MAST4: variants seen among roughly 807,000 people sequenced by gnomAD.
The protein encoded by MAST4 is microtubule-associated serine/threonine-protein kinase 4.
A neutral mutation model predicts 162.7 loss-of-function variants in MAST4; 89 were observed. The ratio of observed to expected loss-of-function variants is 0.55; its 90% CI spans 0.46 to 0.65. The LOEUF is 0.65. Among genes scored for constraint, MAST4 ranks in the 30% least tolerant of loss-of-function variants. The pLI is 0.00. For missense variants in MAST4, 3,153 were observed against 3,374.0 expected, an observed-to-expected ratio of 0.93 and a Z score of 1.62; for synonymous variants, 1,479 against 1,361.1, an observed-to-expected ratio of 1.09 and a Z score of -1.91.
intron 3 of MAST4, among the ~76,000 whole-genome samples, chr5:66,849,506 A>T (rs75739145): frequency 1.3e-5 from 2 of 150,498 alleles, no homozygotes; most frequent in African/African-American, 4.9e-5. Flanking sequence ...CATTTACTCC[A>T]TCTCCTCCTT....
chr5:66,746,278 G>A (rs577239741), intron 1 of MAST4, among the ~76,000 whole-genome samples: 255 of 152,262 alleles, frequency 1.7e-3, no homozygotes, highest in African/African-American at 5.9e-3. Context: ...CTGTCTTTGT[G>A]GAGTCTTCTC....
At chr5:66,828,976 A>G (rs1160027536) in intron 3 of MAST4, 3 of 994,142 alleles carry the variant, frequency 3.0e-6, no homozygotes, top group Non-Finnish European at 3.1e-6. Context: ...CTGGGCACGA[A>G]TATGTGCATA....
intron 1 of MAST4, among the ~76,000 whole-genome samples, chr5:66,719,543 T>G (rs919249107): frequency 6.6e-6 from 1 of 152,242 alleles, no homozygotes; most frequent in African/African-American, 2.4e-5. Context: ...GCTTTTCTTT[T>G]TCTTTTTTTC....
chr5:66,614,261 C>T lies in MAST4; in HGVS notation c.363+17243C>T, dbSNP rs559518794. ...CCGCGTGGGTGTCTGGCCAGTTCCA[C>T]TACTTCAAAGATTCTCTGTCTCAGT... On this transcript the variant is annotated intron_variant, in intron 1 of 28. Transcript: ENST00000403625. 7.2e-5 allele frequency among the ~76,000 whole-genome samples: 11 copies of T among 152,338 alleles called. No homozygotes were observed. In the South Asian group the frequency reaches 2.3e-3, roughly 32 times the overall value.
At chr5:66,904,535 C>T (rs1033119730) in intron 4 of MAST4, among the ~76,000 whole-genome samples, 3 of 152,050 alleles carry the variant, frequency 2.0e-5, no homozygotes, top group African/African-American at 4.8e-5. Flanking sequence ...AATTATAAGC[C>T]GTGGTGCATT....
At chr5:66,597,283 C>G (rs1237343024) in intron 1 of MAST4, among the ~76,000 whole-genome samples, 1 of 152,198 alleles carries the variant, frequency 6.6e-6, no homozygotes, top group Non-Finnish European at 1.5e-5. Flanking sequence ...CAAACTCCTT[C>G]GTGTTTGTAT....
intron 3 of MAST4, among the ~76,000 whole-genome samples, chr5:66,791,318 C>A (rs1352815148): frequency 6.6e-6 from 1 of 152,224 alleles, no homozygotes. Flanking sequence ...GCCACCATGT[C>A]CAGCCATTCT....
chr5:67,057,393 C>G (rs1233639361), intron 5 of MAST4, among the ~76,000 whole-genome samples: 2 of 151,986 alleles, frequency 1.3e-5, no homozygotes, highest in Non-Finnish European at 2.9e-5. Flanking sequence ...ATGAGCCCCA[C>G]CAGTCATCAC....
At chr5:67,032,681 T>C (rs1022942574) in intron 4 of MAST4, among the ~76,000 whole-genome samples, 2 of 152,178 alleles carry the variant, frequency 1.3e-5, no homozygotes, top group African/African-American at 4.8e-5. Flanking sequence ...GGTTTACCTA[T>C]TTCATATGGT....
rs10638374 is a variant in MAST4, at chr5:66,644,747, GT to G, written c.363+47745del. Among the ~76,000 whole-genome samples, 543 of 137,742 alleles carry G rather than the reference GT, an allele frequency of 3.9e-3. 7 individuals carry two copies. Among genetic ancestry groups the G allele is most frequent in the Middle Eastern group, 0.011 (3 of 268 alleles). The allele number at this position is 137,742 out of a possible 152,430, so 90.4% of individuals were successfully genotyped here. A position where few individuals can be genotyped will look rare whatever the true frequency, so the allele number is the denominator to read the frequency against. On this transcript the variant is annotated intron_variant, in intron 1 of 28. Coordinates refer to ENST00000403625, the MANE Select transcript of MAST4 (RefSeq NM_001164664.2). ...GTTTTGGACAGCTACATTTGAAGTA[GT>G]TTTTTTTTTTTTTTTGTAAATGGAA...
At chr5:67,060,928 G>A (rs765466092) in intron 5 of MAST4, among the ~76,000 whole-genome samples, 13 of 152,274 alleles carry the variant, frequency 8.5e-5, no homozygotes, top group Admixed American at 2.0e-4. Context: ...GCGTGTGACT[G>A]TTTCGTTTTA....
intron 1 of MAST4, among the ~76,000 whole-genome samples, chr5:66,642,076 A>G (rs34255025): frequency 0.21 from 32,200 of 152,162 alleles, 3,747 homozygotes; most frequent in South Asian, 0.35. Flanking sequence ...ATAACTCCTA[A>G]TATCACACGG....
chr5:67,134,481 G>A (rs1377995025), intron 17 of MAST4, 42 bp from the exon 18 acceptor site: 1 of 1,568,408 alleles, frequency 6.4e-7, no homozygotes, highest in African/African-American at 1.4e-5. Context: ...TTTAATTCAT[G>A]TCTAATATTC....
At chr5:66,995,507 A>T (rs1269677391) in intron 4 of MAST4, among the ~76,000 whole-genome samples, 6 of 151,992 alleles carry the variant, frequency 3.9e-5, no homozygotes, top group Admixed American at 3.9e-4. Context: ...GTTTCAAGTG[A>T]TTCTCCTGCC....
At chr5:67,054,326 C>A in intron 4 of MAST4, 78 bp from the exon 5 acceptor site, 3 of 1,215,886 alleles carry the variant, frequency 2.5e-6, no homozygotes, top group African/African-American at 1.5e-5. Context: ...CAACCTGGTC[C>A]ATGTCTACCG....
Position 66,634,565 on chromosome 5 carries a change from G to A in MAST4, c.363+37547G>A, listed in dbSNP as rs181706367. On this transcript the variant is annotated intron_variant, in intron 1 of 28. Transcript: ENST00000403625. ...AAATTTTAGAAGATTCCTTTTTCCT[G>A]CTGATTTCTTCCCTCGTAGAAAAAA... Among the ~76,000 whole-genome samples, 564 of 152,130 alleles carry A rather than the reference G, an allele frequency of 3.7e-3. 3 individuals are homozygous for A. Among genetic ancestry groups the A allele is most frequent in the Middle Eastern group, 0.02 (6 of 294 alleles).
At chr5:66,687,604 A>G (rs1480799994) in intron 1 of MAST4, among the ~76,000 whole-genome samples, 1 of 149,804 alleles carries the variant, frequency 6.7e-6, no homozygotes, top group Non-Finnish European at 1.5e-5. Context: ...ATACATATAT[A>G]CACATATATG....
intron 1 of MAST4, among the ~76,000 whole-genome samples, chr5:66,685,027 C>T (rs935342475): frequency 3.3e-5 from 5 of 152,020 alleles, no homozygotes; most frequent in African/African-American, 9.7e-5. Context: ...TTTGGGAGGC[C>T]GAGGCAGGCA....
Position 67,136,560 on chromosome 5 carries a change from T to G in MAST4, c.2393-3T>G, listed in dbSNP as rs775297621. ...GGTTATAAACAACTTTTCTTCCTTC[T>G]AGATGAGATCAACTGGCCTGAGAAG... On this transcript the variant is annotated splice_region_variant and splice_polypyrimidine_tract_variant and intron_variant, in intron 18 of 28. Transcript: ENST00000403625. 6.3e-7 allele frequency: 1 copy of G among 1,596,360 alleles called. No individual in the cohort carries two copies. Among genetic ancestry groups the G allele is most frequent in the African/African-American group, 1.3e-5 (1 of 74,638 alleles).
Sources: gnomAD v4.1 joint callset for allele counts (sites outside exome capture counted in the v4.1 genomes callset) on GRCh38, gnomAD v4.1.1 for gene constraint, MANE v1.5 for transcripts, NCBI Gene and HGNC (gene_info 2026-07-23, HGNC 2026-07-21) for gene names.